The following CADPS2 variants were observed in gnomAD, a reference collection of about 807,000 sequenced individuals.
CADPS2 encodes the protein calcium-dependent secretion activator 2.
CADPS2 carries 93 observed loss-of-function variants against 172.5 expected under a neutral mutation model. The observed-to-expected ratio is 0.54, with a 90% confidence interval of 0.46 to 0.64. The LOEUF is 0.64. CADPS2 is among the 30% of genes least tolerant of loss of function. The pLI, the probability that CADPS2 is intolerant of heterozygous loss-of-function variation, is 0.00. For missense variants in CADPS2, 1,420 were observed against 1,565.9 expected (o/e 0.91, Z 1.57); for synonymous variants, 546 against 555.2 (o/e 0.98, Z 0.23).
intron 6 of CADPS2, among the ~76,000 whole-genome samples, chr7:122,589,998 G>A (rs1002131810): frequency 5.9e-5 from 9 of 151,764 alleles, no homozygotes; most frequent in African/African-American, 1.9e-4. Context: ...GAACTTATCC[G>A]TCACCAAAAC....
intron 1 of CADPS2, among the ~76,000 whole-genome samples, chr7:122,847,965 G>A (rs1355408286): frequency 6.6e-6 from 1 of 152,184 alleles, no homozygotes; most frequent in African/African-American, 2.4e-5. Context: ...TAATAGGTGG[G>A]AACAAAAGAA....
At chr7:122,411,090 T>C (rs1313586525) in intron 19 of CADPS2, among the ~76,000 whole-genome samples, 1 of 151,816 alleles carries the variant, frequency 6.6e-6, no homozygotes, top group Non-Finnish European at 1.5e-5. Flanking sequence ...CTATCATCTC[T>C]CTCTCTCTCC....
At chr7:122,447,686 C>T (rs1292421345) in intron 15 of CADPS2, among the ~76,000 whole-genome samples, 5 of 150,688 alleles carry the variant, frequency 3.3e-5, no homozygotes, top group Non-Finnish European at 5.9e-5. Flanking sequence ...CCCAAGTAAC[C>T]GGGACTACAG....
At chr7:122,835,822 C>T (rs965325718) in intron 1 of CADPS2, among the ~76,000 whole-genome samples, 14 of 152,122 alleles carry the variant, frequency 9.2e-5, no homozygotes, top group Non-Finnish European at 1.3e-4. Context: ...CTGAAAGTGA[C>T]GGGGAGAATG....
intron 2 of CADPS2, among the ~76,000 whole-genome samples, chr7:122,692,900 A>AGC (rs1390625088): frequency 1.3e-5 from 2 of 152,168 alleles, no homozygotes; most frequent in African/African-American, 4.8e-5. Context: ...TCAGCAGCTT[A>AGC]ACTCTCTCTC....
At chr7:122,550,057 T>C (rs1221820673) in intron 8 of CADPS2, among the ~76,000 whole-genome samples, 1 of 151,842 alleles carries the variant, frequency 6.6e-6, no homozygotes, top group Admixed American at 6.6e-5. Context: ...TCTGAATATT[T>C]AGTGTGTGAA....
chr7:122,695,664 T>G (rs1170287619), intron 2 of CADPS2, among the ~76,000 whole-genome samples: 1 of 152,180 alleles, frequency 6.6e-6, no homozygotes, highest in Non-Finnish European at 1.5e-5. Context: ...AAATATAGAT[T>G]CTAACCACCC....
chr7:122,665,916 T>C (rs1331020171), intron 2 of CADPS2, among the ~76,000 whole-genome samples: 2 of 152,314 alleles, frequency 1.3e-5, no homozygotes, highest in East Asian at 3.9e-4. Flanking sequence ...GGTATATGCA[T>C]AGTGCTTTAA....
chr7:122,574,404 C>T (rs1338348916), intron 7 of CADPS2, among the ~76,000 whole-genome samples: 2 of 133,166 alleles, frequency 1.5e-5, no homozygotes, highest in East Asian at 2.2e-4. Flanking sequence ...CACGATTGTG[C>T]CACCGTACTC....
rs798677 is a variant in CADPS2 at position 122,350,225 on chromosome 7, A to G, written c.3505-4544T>C. On this transcript the variant is annotated intron_variant, in intron 27 of 29. Transcript: ENST00000449022. Reference sequence around the variant, plus strand: ...TCATGTAAGATATAAGACAATAAATAACATGTCTTCGAAATTTGAAATTGT... The same window carrying G: ...TCATGTAAGATATAAGACAATAAATGACATGTCTTCGAAATTTGAAATTGT... 5.4e-3 allele frequency among the ~76,000 whole-genome samples: 829 copies of G among 152,294 alleles called. 5 individuals carry two copies. The highest frequency in any genetic ancestry group is 0.019 in the African/African-American group (804 of 41,566).
intron 1 of CADPS2, among the ~76,000 whole-genome samples, chr7:122,761,488 ACAAG>A (rs774795371): frequency 1.3e-4 from 20 of 152,304 alleles, no homozygotes; most frequent in Admixed American, 9.2e-4. Flanking sequence ...AAGTGTGCAT[ACAAG>A]CAAGGATTGT....
chr7:122,446,762 G>C (rs1318851417), intron 15 of CADPS2, among the ~76,000 whole-genome samples: 2 of 152,290 alleles, frequency 1.3e-5, no homozygotes, highest in East Asian at 3.9e-4. Context: ...TGGAATTCCA[G>C]CTCTGCCTCT....
intron 1 of CADPS2, among the ~76,000 whole-genome samples, chr7:122,770,522 C>A (rs36108447): frequency 0.22 from 32,717 of 152,048 alleles, 3,769 homozygotes; most frequent in Middle Eastern, 0.31. Context: ...CCTGACCCCA[C>A]TCCCCTGAAC....
chr7:122,483,692 T>G (rs1373388279), intron 11 of CADPS2, among the ~76,000 whole-genome samples: 1 of 152,044 alleles, frequency 6.6e-6, no homozygotes, highest in Non-Finnish European at 1.5e-5. Flanking sequence ...GTAAAATATA[T>G]GACAAGAATA....
chr7:122,702,185 T>G, intron 2 of CADPS2: 1 of 1,613,766 alleles, frequency 6.2e-7, no homozygotes, highest in African/African-American at 1.3e-5. Flanking sequence ...CATGATGTAA[T>G]GGCTCACCCA....
At chr7:122,630,030 A>G (rs1189838686) in intron 3 of CADPS2, among the ~76,000 whole-genome samples, 1 of 152,160 alleles carries the variant, frequency 6.6e-6, no homozygotes, top group Non-Finnish European at 1.5e-5. Context: ...AACTTTACTC[A>G]TGATACCTTT....
chr7:122,833,382 G>A lies in CADPS2; in HGVS notation c.339+52617C>T, dbSNP rs142844108. On this transcript the variant is annotated intron_variant, in intron 1 of 29. Transcript: ENST00000449022. ...TATTTTATTTTTGAGATGGAGTCTC[G>A]CTCTGTTGCCCGGGCTGGAGTACAG... 7.8e-3 allele frequency among the ~76,000 whole-genome samples: 1,185 copies of A among 151,900 alleles called. 18 individuals carry two copies. Among genetic ancestry groups the A allele is most frequent in the African/African-American group, 0.026 (1,088 of 41,430 alleles).
chr7:122,716,819 T>C (rs1353335456), intron 2 of CADPS2, among the ~76,000 whole-genome samples: 1 of 151,964 alleles, frequency 6.6e-6, no homozygotes, highest in African/African-American at 2.4e-5. Context: ...TGGTGGTTCT[T>C]GGGAGGGGTG....
At chr7:122,650,506 T>C (rs952495315) in intron 3 of CADPS2, among the ~76,000 whole-genome samples, 1 of 152,206 alleles carries the variant, frequency 6.6e-6, no homozygotes, top group African/African-American at 2.4e-5. Context: ...CTAATTTCCA[T>C]GGAGCAGAAT....
Sources: allele counts gnomAD v4.1 joint callset (sites outside exome capture counted in the v4.1 genomes callset), GRCh38; gene constraint gnomAD v4.1.1; transcripts MANE v1.5; gene names NCBI Gene and HGNC (gene_info 2026-07-23, HGNC 2026-07-21).